Variants in MADD observed in about 807,000 individuals in gnomAD.
MADD encodes the protein MAP kinase activating death domain.
A neutral mutation model predicts 176.7 loss-of-function variants in MADD; 109 were observed. The ratio of observed to expected loss-of-function variants is 0.62; its 90% CI spans 0.53 to 0.72. The LOEUF is 0.72. Among genes scored for constraint, MADD ranks in the 30% least tolerant of loss-of-function variants. MADD has a pLI of 0.00. For synonymous variants in MADD, 771 were observed against 771.3 expected (o/e 1.00, Z 0.01); for missense variants, 1,914 against 2,045.5 (o/e 0.94, Z 1.24).
chr11:47,305,820 G>A (rs1331775751), intron 22 of MADD, among the ~76,000 whole-genome samples: 1 of 152,158 alleles, frequency 6.6e-6, no homozygotes. Flanking sequence ...GCTAGGGCAA[G>A]GTATCTCAGC....
intron 3 of MADD, among the ~76,000 whole-genome samples, chr11:47,275,508 C>G (rs1157635329): frequency 4.6e-5 from 7 of 152,232 alleles, no homozygotes; most frequent in Non-Finnish European, 1.5e-5. Flanking sequence ...CCAGGCTGGT[C>G]TCAAACTCCT....
At chr11:47,280,432 T>C (rs1027424129) in intron 7 of MADD, among the ~76,000 whole-genome samples, 1 of 152,168 alleles carries the variant, frequency 6.6e-6, no homozygotes, top group Non-Finnish European at 1.5e-5. Context: ...CAGAGTCTAG[T>C]GGGAATTTTA....
upstream of MADD, chr11:47,269,806 C>T (rs1420559334): frequency 1.3e-5 from 2 of 152,062 alleles, no homozygotes; most frequent in Non-Finnish European, 2.9e-5. Flanking sequence ...TCTCAGGGGC[C>T]GATTATCTTG....
At chr11:47,301,134 T>C (rs2077454812) in intron 22 of MADD, among the ~76,000 whole-genome samples, 1 of 151,854 alleles carries the variant, frequency 6.6e-6, no homozygotes, top group African/African-American at 2.4e-5. Flanking sequence ...TATTTTGAGA[T>C]GGAGTTTTGC....
chr11:47,327,825 G>T lies in MADD; in HGVS notation c.4613-833G>T, dbSNP rs543660174. On this transcript the variant is annotated intron_variant, in intron 31 of 32. Coordinates refer to ENST00000402192, the Ensembl canonical transcript of MADD. ...TTTCTGGCCCCCAGGGAGATGCCAG[G>T]CCCCTCTGCTCCCAGTCTCAAGGGG... 4.1e-6 allele frequency: 4 copies of T among 985,402 alleles called. No individual in the cohort carries two copies. In the Admixed American group the frequency reaches 2.5e-4, roughly 60 times the overall value. The allele number at this position is 985,402 out of a possible 1,614,324, so 61.0% of individuals were successfully genotyped here.
At chr11:47,315,167 G>T in intron 26 of MADD, 53 bp from the exon 30 acceptor site, 1 of 1,071,588 alleles carries the variant, frequency 9.3e-7, no homozygotes, top group Non-Finnish European at 1.4e-6. Context: ...TCTTGGCCCA[G>T]AGCCCTCTGA....
chr11:47,274,904 G>A (rs1178411757), exon 3 of MADD: 10 of 1,613,766 alleles, frequency 6.2e-6, no homozygotes, highest in Middle Eastern at 3.3e-4. Context: ...GGCACTGAGA[G>A]CTCAGAGAGT....
intron 12 of MADD, 132 bp from the exon 13 acceptor site, chr11:47,284,809 C>A: frequency 7.4e-7 from 1 of 1,349,762 alleles, no homozygotes; most frequent in Non-Finnish European, 1.0e-6. Context: ...AGAACGGGTG[C>A]TACAGAGATC....
At chr11:47,328,496 C>G in intron 31 of MADD, 162 bp from the exon 36 acceptor site, 1 of 1,490,932 alleles carries the variant, frequency 6.7e-7, no homozygotes, top group Non-Finnish European at 8.9e-7. Context: ...GACAGAGCCT[C>G]TGGTGGCCTC....
At chr11:47,290,330 A>G in intron 18 of MADD, 31 bp downstream of exon 19, 2 of 1,606,160 alleles carry the variant, frequency 1.2e-6, no homozygotes, top group Non-Finnish European at 8.5e-7. Flanking sequence ...GCACCACGCC[A>G]TCCCTAACTC....
rs138474679 is a variant in MADD, at chr11:47,322,424, G to A, written c.4198-1247G>A. The stretch of plus-strand genomic sequence containing the variant: ...AGATCAAGACTATCCTTGCTAACAC[G>A]GTGAAACCCCGTCTCTACTTAAAAA... On this transcript the variant is annotated intron_variant, in intron 27 of 32. Coordinates refer to ENST00000402192, the Ensembl canonical transcript of MADD. Among the ~76,000 whole-genome samples, 50 of 152,074 alleles carry A rather than the reference G, an allele frequency of 3.3e-4. 1 individual carries two copies. In the East Asian group the frequency reaches 9.1e-3, roughly 28 times the overall value.
At chr11:47,284,383 C>T (rs769894100) in exon 12 of MADD, 1 of 1,614,060 alleles carries the variant, frequency 6.2e-7, no homozygotes. Flanking sequence ...AGATGTGGAC[C>T]CTCTGACACA....
chr11:47,323,462 C>G (rs1223598089), intron 27 of MADD, among the ~76,000 whole-genome samples: 1 of 151,918 alleles, frequency 6.6e-6, no homozygotes, highest in African/African-American at 2.4e-5. Flanking sequence ...TACATCGGTT[C>G]CTTCTAATGA....
Position 47,289,504 on chromosome 11 carries a change from G to GT in MADD, c.2756+12dup. The GT allele has an allele frequency of 3.1e-6, 5 of 1,611,024 alleles. No individual in the cohort carries two copies. Among genetic ancestry groups the GT allele is most frequent in the Non-Finnish European group, 4.2e-6 (5 of 1,177,162 alleles). On this transcript the variant is annotated intron_variant, in intron 16 of 32. Coordinates refer to ENST00000402192, the Ensembl canonical transcript of MADD. Reference sequence around the variant, plus strand: ...ATCCAGCAATTCTAGGTAATAAATGGTAGAGCTGTTTTAAAAGTTCTCAGG... The same window carrying GT: ...ATCCAGCAATTCTAGGTAATAAATGGTTAGAGCTGTTTTAAAAGTTCTCAGG...
chr11:47,306,643 A>AT (rs1235638856), intron 22 of MADD, among the ~76,000 whole-genome samples: 1 of 150,574 alleles, frequency 6.6e-6, no homozygotes, highest in Non-Finnish European at 1.5e-5. Flanking sequence ...GGGAAGGGGG[A>AT]TGGGGGGGAG....
At chr11:47,308,117 G>A (rs982966452) in intron 22 of MADD, among the ~76,000 whole-genome samples, 7 of 152,230 alleles carry the variant, frequency 4.6e-5, no homozygotes, top group African/African-American at 1.7e-4. Flanking sequence ...TGCCTTATAT[G>A]TATCTTCAAA....
At chr11:47,279,381 C>CTTTTTTTTTT (rs34428529) in intron 7 of MADD, among the ~76,000 whole-genome samples, 2 of 116,820 alleles carry the variant, frequency 1.7e-5, no homozygotes, top group Non-Finnish European at 1.7e-5. Context: ...TTTTCTCAGT[C>CTTTTTTTTTT]TTTTTTTTTT....
exon 13 of MADD, chr11:47,285,142 G>A: frequency 6.2e-7 from 1 of 1,614,116 alleles, no homozygotes; most frequent in Admixed American, 1.7e-5. Context: ...AGATGAGGAT[G>A]AGCAGGGGGA....
intron 19 of MADD, among the ~76,000 whole-genome samples, chr11:47,293,304 C>CTT (rs796151719): frequency 4.3e-5 from 6 of 138,910 alleles, no homozygotes; most frequent in East Asian, 2.1e-4. Flanking sequence ...TGGAGCTTTT[C>CTT]TTTTTTTTTT....
Sources: gnomAD v4.1 joint callset for allele counts (sites outside exome capture counted in the v4.1 genomes callset) on GRCh38, gnomAD v4.1.1 for gene constraint, MANE v1.5 for transcripts, NCBI Gene and HGNC (gene_info 2026-07-23, HGNC 2026-07-21) for gene names.